Variants in APC observed in about 807,000 individuals in gnomAD.
The protein encoded by APC is adenomatous polyposis coli protein.
A neutral mutation model predicts 247.0 loss-of-function variants in APC; 72 were observed. The ratio of observed to expected loss-of-function variants is 0.29; its 90% CI spans 0.24 to 0.35. The LOEUF (loss-of-function observed/expected upper bound fraction) is 0.35. Among genes scored for constraint, APC ranks in the 10% least tolerant of loss-of-function variants. APC has a pLI of 1.00. For synonymous variants in APC, 1,254 were observed against 1,162.5 expected (o/e 1.08, Z -1.60); for missense variants, 3,400 against 3,360.7 (o/e 1.01, Z -0.29).
Position 112,737,916 on chromosome 5 carries a change from C to T in APC, c.-28C>T. On this transcript the variant is annotated 5_prime_UTR_variant, in exon 1 of 16. Coordinates refer to ENST00000257430, the MANE Select transcript of APC (RefSeq NM_000038.6). Reference sequence around the variant, plus strand: ...GACAGAATGGAGGTGCTGCCGGACTCGGAAATGGGGTAGGTGCTGGAGCCA... The same window carrying T: ...GACAGAATGGAGGTGCTGCCGGACTTGGAAATGGGGTAGGTGCTGGAGCCA... The T allele has an allele frequency of 1.0e-6, 1 of 985,658 alleles. No homozygotes were observed. The highest frequency in any genetic ancestry group is 1.2e-6 in the Non-Finnish European group (1 of 830,162). 61.1% of individuals were successfully genotyped at this position (985,658 alleles called of 1,614,324 possible).
intron 8 of APC, among the ~76,000 whole-genome samples, chr5:112,810,546 C>T (rs1198684245): frequency 2.0e-5 from 3 of 152,122 alleles, no homozygotes; most frequent in African/African-American, 4.8e-5. Flanking sequence ...AAATGTATAT[C>T]GACAGCATCC....
At chr5:112,715,581 C>A (rs1339458266) in intron 1 of APC, among the ~76,000 whole-genome samples, 1 of 152,096 alleles carries the variant, frequency 6.6e-6, no homozygotes, top group Non-Finnish European at 1.5e-5. Flanking sequence ...GGAATGAATT[C>A]TTCCTTAAAT....
chr5:112,766,144 T>G (rs1477905478), intron 2 of APC, among the ~76,000 whole-genome samples, 182 bp from the exon 3 acceptor site: 1 of 152,144 alleles, frequency 6.6e-6, no homozygotes, highest in Non-Finnish European at 1.5e-5. Flanking sequence ...TCTCAAAATA[T>G]CACTATTATT....
In APC at chr5:112,781,691, G is replaced by A. The variant is rs572730692; in HGVS notation, c.645+788G>A. Among the ~76,000 whole-genome samples the A allele has an allele frequency of 3.3e-5, 5 of 151,878 alleles. 1 individual carries two copies. The highest frequency in any genetic ancestry group is 6.6e-5 in the Admixed American group (1 of 15,232). On this transcript the variant is annotated intron_variant, in intron 6 of 15. Transcript: ENST00000257430. ...AAACATATTAAATAGTTTTAAAATG[G>A]CTACTGTAGGATATTTTACATTCCT...
At chr5:112,789,996 A>T (rs184437317) in intron 6 of APC, among the ~76,000 whole-genome samples, 1 of 152,040 alleles carries the variant, frequency 6.6e-6, no homozygotes, top group Non-Finnish European at 1.5e-5. Context: ...AGTCACTGGG[A>T]CTACAGGCGT....
At chr5:112,777,148 A>C (rs1757746698) in intron 5 of APC, among the ~76,000 whole-genome samples, 2 of 152,130 alleles carry the variant, frequency 1.3e-5, no homozygotes, top group Non-Finnish European at 2.9e-5. Context: ...GAAGTGATTT[A>C]TTTTTCTTAG....
At position 112,767,384 on chromosome 5, in the gene APC, A is replaced by G. The variant is rs2149790015; in HGVS notation, c.416A>G (p.Lys139Arg). Reference protein sequence around the residue: ...ESTGYLEELEKERSLLLADLD... With the variant: ...ESTGYLEELERERSLLLADLD... ...ACTGGATATTTAGAAGAACTTGAGA[A>G]AGAGAGGTAACTTTTCTTCATATAG... The change falls in exon 4 of 16, where the codon AAA becomes AGA. Residue 139 changes from lysine (K) to arginine (R), a missense_variant. Physicochemically the swap from Lys to Arg is conservative, Grantham distance 26. Around this residue, in one of 9 missense-constraint regions of APC, gnomAD observed 372 missense variants for 367.6 expected, o/e 1.01. Coordinates refer to ENST00000257430, the MANE Select transcript of APC (RefSeq NM_000038.6). 1 of 1,613,412 alleles carries G rather than the reference A, an allele frequency of 6.2e-7. No individual in the cohort carries two copies. Among genetic ancestry groups the G allele is most frequent in the South Asian group, 1.1e-5 (1 of 91,060 alleles).
At chr5:112,772,178 G>A (rs1296704128) in intron 4 of APC, among the ~76,000 whole-genome samples, 1 of 152,142 alleles carries the variant, frequency 6.6e-6, no homozygotes, top group East Asian at 1.9e-4. Flanking sequence ...TGAGATTTAT[G>A]TGAAAAAGCA....
At chr5:112,759,103 A>C (rs1023174778) in intron 2 of APC, among the ~76,000 whole-genome samples, 1 of 152,342 alleles carries the variant, frequency 6.6e-6, no homozygotes, top group East Asian at 1.9e-4. Context: ...AACAATATAC[A>C]TGTAAAGTAT....
intron 8 of APC, among the ~76,000 whole-genome samples, chr5:112,811,777 G>GC (rs2149748330): frequency 6.6e-6 from 1 of 152,252 alleles, no homozygotes; most frequent in Non-Finnish European, 1.5e-5. Context: ...ATAACAAATT[G>GC]CCCCCAAAAC....
intron 2 of APC, among the ~76,000 whole-genome samples, chr5:112,762,256 C>T (rs1755758320): frequency 6.6e-6 from 1 of 152,154 alleles, no homozygotes; most frequent in Non-Finnish European, 1.5e-5. Context: ...AATGCTCAGG[C>T]ATTGCTGAGA....
intron 5 of APC, among the ~76,000 whole-genome samples, chr5:112,779,592 A>G (rs1758103036): frequency 6.6e-6 from 1 of 152,212 alleles, no homozygotes. Flanking sequence ...TTTATGTGGA[A>G]ATACCTACTT....
chr5:112,837,453 T>C (rs1765055855), intron 15 of APC, 100 bp from the exon 16 acceptor site: 2 of 810,566 alleles, frequency 2.5e-6, no homozygotes, highest in South Asian at 1.6e-5. Flanking sequence ...ATAGGATAAT[T>C]GGTACAATCA....
intron 5 of APC, chr5:112,778,486 A>C (rs1757934739): frequency 6.6e-6 from 1 of 151,898 alleles, no homozygotes; most frequent in Admixed American, 6.6e-5. Context: ...AAAAAAAGAA[A>C]ATTATATAAT....
chr5:112,816,685 C>CG (rs1440240140), intron 9 of APC, among the ~76,000 whole-genome samples: 3 of 150,742 alleles, frequency 2.0e-5, no homozygotes, highest in Non-Finnish European at 4.4e-5. Context: ...CCCAGCTACT[C>CG]GGGAGGCTGA....
intron 9 of APC, 111 bp from the exon 10 acceptor site, chr5:112,818,855 G>GGTTGTTTTGTTTTTT: frequency 1.8e-6 from 2 of 1,118,296 alleles, no homozygotes; most frequent in Non-Finnish European, 2.6e-6. Flanking sequence ...GGCGGGGGGG[G>GGTTGTTTTGTTTTTT]TTGTTTTGTT....
chr5:112,764,436 T>A (rs1158720577), intron 2 of APC, among the ~76,000 whole-genome samples: 1 of 151,934 alleles, frequency 6.6e-6, no homozygotes, highest in Non-Finnish European at 1.5e-5. Flanking sequence ...TCACCAGAAA[T>A]CCATAACTGG....
chr5:112,726,073 G>C (rs1471815973), intron 1 of APC, among the ~76,000 whole-genome samples: 1 of 152,202 alleles, frequency 6.6e-6, no homozygotes, highest in African/African-American at 2.4e-5. Context: ...AGACGGGCAG[G>C]TGCAGAAGCC....
chr5:112,747,244 G>GA (rs1699725759), intron 1 of APC, among the ~76,000 whole-genome samples: 1 of 151,804 alleles, frequency 6.6e-6, no homozygotes, highest in South Asian at 2.1e-4. Context: ...TTTCTTGAGG[G>GA]GGGAAAACCC....
Sources: gnomAD v4.1 joint callset for allele counts (sites outside exome capture counted in the v4.1 genomes callset) on GRCh38, gnomAD v4.1.1 for gene constraint, gnomAD v4.1.1 regional missense constraint, MANE v1.5 for transcripts, NCBI Gene and HGNC (gene_info 2026-07-23, HGNC 2026-07-21) for gene names.